GRIP1: variants seen among roughly 807,000 people sequenced by gnomAD.
GRIP1 encodes glutamate receptor-interacting protein 1.
A neutral mutation model predicts 129.9 loss-of-function variants in GRIP1; 45 were observed. The ratio of observed to expected loss-of-function variants is 0.35; its 90% confidence interval spans 0.27 to 0.44. The LOEUF is 0.44. GRIP1 is among the 20% of genes least tolerant of loss of function. The pLI is 1.00. For synonymous variants in GRIP1, 530 were observed against 520.8 expected (o/e 1.02, Z -0.24); for missense variants, 1,196 against 1,396.8 (o/e 0.86, Z 2.29).
chr12:66,399,130 C>A (rs1056859798), intron 16 of GRIP1, among the ~76,000 whole-genome samples: 1 of 151,894 alleles, frequency 6.6e-6, no homozygotes, highest in Non-Finnish European at 1.5e-5. Flanking sequence ...GTGATGCAAA[C>A]CCAATCTCAT....
At chr12:66,724,633 C>G (rs1021459960) in intron 1 of GRIP1, among the ~76,000 whole-genome samples, 1 of 152,162 alleles carries the variant, frequency 6.6e-6, no homozygotes, top group Non-Finnish European at 1.5e-5. Flanking sequence ...CATCTGATGA[C>G]CATGCAGTAT....
intron 1 of GRIP1, among the ~76,000 whole-genome samples, chr12:66,818,455 G>C (rs2039262750): frequency 6.6e-6 from 1 of 152,074 alleles, no homozygotes; most frequent in Non-Finnish European, 1.5e-5. Context: ...GAAAATGTCT[G>C]CCAAATACCC....
upstream of GRIP1, among the ~76,000 whole-genome samples, chr12:66,681,479 G>T (rs545413293): frequency 3.2e-4 from 49 of 152,296 alleles, 2 homozygotes; most frequent in South Asian, 9.9e-3. Context: ...GCAACCGGTG[G>T]AATGTGGACC....
chr12:66,708,473 G>A (rs1436970178), intron 1 of GRIP1, among the ~76,000 whole-genome samples: 1 of 151,846 alleles, frequency 6.6e-6, no homozygotes, highest in East Asian at 1.9e-4. Flanking sequence ...AGTTCTGTTA[G>A]GATATTTTCA....
rs562194873 is a variant in GRIP1 at position 66,361,298 on chromosome 12, C to T, written c.3013-7735G>A. ...GCCACCTCCTGCTTCATTCTGGCAACAGTGTGGCACCAAGAGCTGGAAAAA... is the reference window on the plus strand; with the variant it reads ...GCCACCTCCTGCTTCATTCTGGCAATAGTGTGGCACCAAGAGCTGGAAAAA... On this transcript the variant is annotated intron_variant, in intron 23 of 24. Transcript: ENST00000359742. Among the ~76,000 whole-genome samples the T allele has an allele frequency of 5.9e-5, 9 of 152,196 alleles. No individual in the cohort carries two copies. In the East Asian group the frequency reaches 1.7e-3, roughly 30 times the overall value.
chr12:66,683,834 G>A (rs2034678485), upstream of GRIP1, among the ~76,000 whole-genome samples: 8 of 152,206 alleles, frequency 5.3e-5, no homozygotes, highest in Admixed American at 5.2e-4. Flanking sequence ...TGTAGAAATT[G>A]AGAAATGCTT....
intron 1 of GRIP1, among the ~76,000 whole-genome samples, chr12:66,759,492 T>G (rs2037403192): frequency 6.6e-6 from 1 of 152,220 alleles, no homozygotes; most frequent in Admixed American, 6.5e-5. Flanking sequence ...TCCTTGCTAC[T>G]TATGCAAATT....
intron 1 of GRIP1, among the ~76,000 whole-genome samples, chr12:66,761,926 C>T (rs2037487998): frequency 6.6e-6 from 1 of 152,170 alleles, no homozygotes; most frequent in African/African-American, 2.4e-5. Flanking sequence ...TGGCTCTACC[C>T]CATACCAGCT....
At chr12:66,644,930 C>T (rs1273707130) in intron 1 of GRIP1, among the ~76,000 whole-genome samples, 6 of 152,120 alleles carry the variant, frequency 3.9e-5, no homozygotes, top group South Asian at 4.1e-4. Context: ...AATTAGCATA[C>T]AGTCTTTAAA....
At chr12:66,527,090 A>G (rs2061271210) in intron 5 of GRIP1, among the ~76,000 whole-genome samples, 1 of 147,034 alleles carries the variant, frequency 6.8e-6, no homozygotes, top group African/African-American at 2.5e-5. Flanking sequence ...ACTGTAAACT[A>G]GTTCAACCAT....
intron 1 of GRIP1, among the ~76,000 whole-genome samples, chr12:66,927,750 T>TCC (rs1228054223): frequency 6.6e-6 from 1 of 152,158 alleles, no homozygotes; most frequent in Non-Finnish European, 1.5e-5. Flanking sequence ...AGTTCAGGCT[T>TCC]CCCCTCTACA....
chr12:66,368,910 G>C (rs945321035), intron 23 of GRIP1, among the ~76,000 whole-genome samples: 7 of 152,118 alleles, frequency 4.6e-5, no homozygotes, highest in African/African-American at 1.7e-4. Context: ...CATCCTGGAT[G>C]GTCTATCAGA....
chr12:67,005,508 A>T (rs1467215973), intron 1 of GRIP1, among the ~76,000 whole-genome samples: 1 of 152,198 alleles, frequency 6.6e-6, no homozygotes, highest in Non-Finnish European at 1.5e-5. Flanking sequence ...TCTTAAGAGG[A>T]AGGTACTATT....
At chr12:66,970,493 T>A (rs1289583154) in intron 1 of GRIP1, among the ~76,000 whole-genome samples, 2 of 151,792 alleles carry the variant, frequency 1.3e-5, no homozygotes, top group Non-Finnish European at 2.9e-5. Context: ...TTGTATATAA[T>A]GTTTGCTATA....
intron 1 of GRIP1, among the ~76,000 whole-genome samples, chr12:66,764,271 G>A (rs1419869682): frequency 2.0e-5 from 3 of 152,080 alleles, no homozygotes; most frequent in Non-Finnish European, 4.4e-5. Context: ...AAAGATAGAG[G>A]GAACTAGAAT....
intron 1 of GRIP1, among the ~76,000 whole-genome samples, chr12:66,851,358 G>A (rs944865713): frequency 6.6e-6 from 1 of 151,994 alleles, no homozygotes; most frequent in Non-Finnish European, 1.5e-5. Flanking sequence ...GGAAGTTAGA[G>A]GCAGGAAAAT....
At chr12:66,372,619 T>G (rs2055573157) in intron 22 of GRIP1, among the ~76,000 whole-genome samples, 1 of 152,234 alleles carries the variant, frequency 6.6e-6, no homozygotes, top group Admixed American at 6.5e-5. Flanking sequence ...TTCAACTTTT[T>G]GCTCACAAGC....
intron 1 of GRIP1, among the ~76,000 whole-genome samples, chr12:66,975,887 G>A (rs1210828650): frequency 2.0e-5 from 3 of 152,194 alleles, no homozygotes; most frequent in Admixed American, 6.5e-5. Context: ...CCATGCCCTG[G>A]AGCCAGACTG....
intron 7 of GRIP1, 131 bp from the exon 8 acceptor site, chr12:66,465,553 A>G (rs1465141113): frequency 9.3e-6 from 7 of 750,684 alleles, no homozygotes; most frequent in Non-Finnish European, 1.4e-5. Context: ...ATTTCCCTCC[A>G]TATAATATCC....
Sources: allele counts gnomAD v4.1 joint callset (sites outside exome capture counted in the v4.1 genomes callset), GRCh38; gene constraint gnomAD v4.1.1; transcripts MANE v1.5; gene names NCBI Gene and HGNC (gene_info 2026-07-23, HGNC 2026-07-21).